Variants in CROCC observed in about 807,000 individuals in gnomAD.
CROCC encodes ciliary rootlet coiled-coil, rootletin, also known as rootletin.
Under a neutral mutation model 245.2 loss-of-function variants are expected in CROCC, and 180 were observed. The observed-to-expected ratio is 0.73, with a 90% CI of 0.65 to 0.83. The LOEUF (loss-of-function observed/expected upper bound fraction) is 0.83, where lower values mean the gene tolerates loss of function less well. Ranked by LOEUF, CROCC falls within the 40% of genes least tolerant of loss-of-function variation. CROCC has a pLI of 0.00. For synonymous variants in CROCC, 1,205 were observed against 1,241.6 expected (o/e 0.97, Z 0.62); for missense variants, 2,688 against 2,779.4 (o/e 0.97, Z 0.74).
intron 30 of CROCC, among the ~76,000 whole-genome samples, chr1:16,967,979 T>C (rs2076446158): frequency 6.6e-6 from 1 of 152,114 alleles, no homozygotes; most frequent in African/African-American, 2.4e-5. Flanking sequence ...CACAGCCCAT[T>C]GGCCTGGGCT....
intron 1 of CROCC, among the ~76,000 whole-genome samples, chr1:16,914,425 C>G (rs1375978738): frequency 6.6e-6 from 1 of 152,262 alleles, no homozygotes; most frequent in Non-Finnish European, 1.5e-5. Context: ...CCGGGGTCCC[C>G]TCGCTCCGCG....
intron 20 of CROCC, chr1:16,951,339 T>A (rs2076156437): frequency 2.4e-6 from 1 of 417,442 alleles, no homozygotes; most frequent in Non-Finnish European, 4.3e-6. Context: ...GTAATCCTGA[T>A]GCAGAGGGTC....
chr1:16,915,075 T>C (rs2075287499), intron 1 of CROCC, among the ~76,000 whole-genome samples: 1 of 151,168 alleles, frequency 6.6e-6, no homozygotes, highest in African/African-American at 2.4e-5. Flanking sequence ...GACTTAACCC[T>C]CCCCTCCCCA....
chr1:16,950,847 C>A, intron 19 of CROCC, 106 bp from the exon 20 acceptor site: 1 of 953,844 alleles, frequency 1.0e-6, no homozygotes, highest in African/African-American at 1.7e-5. Context: ...CCAGGCAGGC[C>A]CTCTGCCTCT....
intron 1 of CROCC, among the ~76,000 whole-genome samples, chr1:16,915,810 A>G (rs1189979688): frequency 6.6e-6 from 1 of 152,264 alleles, no homozygotes; most frequent in Admixed American, 6.5e-5. Flanking sequence ...AGAAGGGGGA[A>G]GTGCGTCCCA....
chr1:16,930,894 T>G (rs561217890), intron 7 of CROCC, among the ~76,000 whole-genome samples: 1 of 152,402 alleles, frequency 6.6e-6, no homozygotes, highest in East Asian at 1.9e-4. Context: ...CCCAGCACTT[T>G]GGGAGGCTGA....
chr1:16,922,448 C>T (rs1188232847), intron 1 of CROCC, among the ~76,000 whole-genome samples: 1 of 152,274 alleles, frequency 6.6e-6, no homozygotes, highest in Non-Finnish European at 1.5e-5. Context: ...GGGTTTGGTT[C>T]TCATCTCTGG....
Position 16,965,733 on chromosome 1 carries a change from AG to A in CROCC, c.4419del (p.Leu1474SerfsTer7), listed in dbSNP as rs756524367. The A allele has an allele frequency of 1.9e-6, 3 of 1,606,806 alleles. No individual in the cohort carries two copies. Among genetic ancestry groups the A allele is most frequent in the Non-Finnish European group, 1.7e-6 (2 of 1,173,936 alleles). On this transcript the variant is annotated frameshift_variant, in exon 28 of 37. Coordinates refer to ENST00000375541, the MANE Select transcript of CROCC (RefSeq NM_014675.5). LOFTEE classifies it high-confidence loss of function. ...RDAPAEGSGE[G>X]LNSPSTLECS... ...TTCTTTCTCTTCTAGGAAGCGGGGA[AG>A]GGCTCAACAGCCCCAGCACCTTAGA... is the stretch of plus-strand genomic sequence containing the variant.
upstream of CROCC, among the ~76,000 whole-genome samples, chr1:16,919,656 G>A (rs1358196814): frequency 1.3e-5 from 2 of 152,296 alleles, no homozygotes; most frequent in Non-Finnish European, 2.9e-5. Context: ...CAGGAGCCCA[G>A]ACACGTGATG....
intron 35 of CROCC, 118 bp downstream of exon 35, chr1:16,970,885 T>C: frequency 7.8e-7 from 1 of 1,277,204 alleles, no homozygotes; most frequent in Non-Finnish European, 1.0e-6. Flanking sequence ...CCAGGAGCCC[T>C]GAGCCTTCCA....
intron 13 of CROCC, among the ~76,000 whole-genome samples, chr1:16,941,813 A>G (rs1237958454): frequency 2.0e-5 from 3 of 152,158 alleles, no homozygotes; most frequent in African/African-American, 7.2e-5. Context: ...ACATGGCCAT[A>G]GAACATTTCT....
At chr1:16,920,092 ATT>A (rs35331284), upstream of CROCC, among the ~76,000 whole-genome samples, 1 of 150,698 alleles carries the variant, frequency 6.6e-6, no homozygotes, top group Non-Finnish European at 1.5e-5. Context: ...ATTTATTTAT[ATT>A]TTTGAGACGG....
intron 19 of CROCC, among the ~76,000 whole-genome samples, chr1:16,949,840 G>A (rs370534447): frequency 2.5e-4 from 38 of 152,242 alleles, no homozygotes; most frequent in Middle Eastern, 6.8e-3. Context: ...CACTATCTCG[G>A]CTCACCTCAA....
chr1:16,959,917 C>G (rs944577221), intron 26 of CROCC, among the ~76,000 whole-genome samples: 1 of 150,758 alleles, frequency 6.6e-6, no homozygotes, highest in Admixed American at 6.6e-5. Context: ...GCTGTGAGTA[C>G]ATGTGATTAA....
chr1:16,941,071 T>C (rs796292968), intron 13 of CROCC: 9 of 224,754 alleles, frequency 4.0e-5, no homozygotes, highest in East Asian at 1.6e-4. Flanking sequence ...ATGTTGCCCA[T>C]GCTGGTCTTG....
chr1:16,939,283 G>A, intron 12 of CROCC, 141 bp downstream of exon 12: 3 of 777,988 alleles, frequency 3.9e-6, no homozygotes, highest in Non-Finnish European at 5.6e-6. Context: ...TGCAGCCAGA[G>A]CCCTGAGAAA....
At chr1:16,925,011 G>C (rs1311566434) in intron 3 of CROCC, among the ~76,000 whole-genome samples, 1 of 152,284 alleles carries the variant, frequency 6.6e-6, no homozygotes, top group Non-Finnish European at 1.5e-5. Flanking sequence ...TTCATGTCCA[G>C]GCAGGATTCA....
intron 17 of CROCC, among the ~76,000 whole-genome samples, chr1:16,947,494 A>ATAG (rs1369701582): frequency 6.6e-6 from 1 of 151,430 alleles, no homozygotes; most frequent in Non-Finnish European, 1.5e-5. Flanking sequence ...AATAATAATA[A>ATAG]TAATAATGAT....
Position 16,948,338 on chromosome 1 carries a change from G to A in CROCC, c.2522G>A (p.Arg841Gln), listed in dbSNP as rs747485251. The stretch of plus-strand genomic sequence containing the variant: ...TCTCTGGGTGGGGGCCAGCTCTCCC[G>A]GCAGCTGAGCGGGCGGGAGCAGGAG... ...QLQEQLAQLS[R>Q]QLSGREQELE... The change falls in exon 18 of 37, where the codon CGG (arginine) becomes CAG (glutamine). Residue 841 changes from arginine to glutamine, a missense_variant. Arg to Gln is a conservative substitution (Grantham distance 43, BLOSUM62 1). Transcript: ENST00000375541. The A allele has an allele frequency of 1.5e-5, 24 of 1,568,238 alleles. No homozygotes were observed. The highest frequency in any genetic ancestry group is 4.4e-4 in the Middle Eastern group (2 of 4,562).
Sources: gnomAD v4.1 joint callset for allele counts (sites outside exome capture counted in the v4.1 genomes callset) on GRCh38, gnomAD v4.1.1 for gene constraint, MANE v1.5 for transcripts, NCBI Gene and HGNC (gene_info 2026-07-23, HGNC 2026-07-21) for gene names.